Variants in FAM107B observed in about 807,000 individuals in gnomAD.
The protein encoded by FAM107B is protein FAM107B.
FAM107B carries 21 observed loss-of-function variants against 31.5 expected under a neutral mutation model. The ratio of observed to expected loss-of-function variants is 0.67; its 90% CI spans 0.47 to 0.96. The LOEUF (loss-of-function observed/expected upper bound fraction) is 0.96. FAM107B is among the 40% of genes least tolerant of loss of function. The probability of loss-of-function intolerance (pLI) is 0.00; values close to 1 mark genes in which losing one functional copy is unlikely to be tolerated. For missense variants in FAM107B, 452 were observed against 377.1 expected (o/e 1.20, Z -1.64); for synonymous variants, 157 against 141.5 (o/e 1.11, Z -0.78).
At chr10:14,753,346 A>C (rs1832867176) in intron 1 of FAM107B, among the ~76,000 whole-genome samples, 1 of 152,238 alleles carries the variant, frequency 6.6e-6, no homozygotes, top group South Asian at 2.1e-4. Flanking sequence ...GGTGACAAGG[A>C]GTGATGGATG....
chr10:14,716,042 T>C (rs1322957525), intron 1 of FAM107B, among the ~76,000 whole-genome samples: 2 of 152,212 alleles, frequency 1.3e-5, no homozygotes, highest in Admixed American at 6.5e-5. Flanking sequence ...GAATATATAC[T>C]TCTACAGATA....
At chr10:14,734,174 T>C (rs1856239366) in intron 1 of FAM107B, among the ~76,000 whole-genome samples, 1 of 152,170 alleles carries the variant, frequency 6.6e-6, no homozygotes. Flanking sequence ...ATAACAAGGG[T>C]AATAAATGTC....
chr10:14,645,997 C>T (rs1260844824), intron 2 of FAM107B, among the ~76,000 whole-genome samples: 1 of 152,154 alleles, frequency 6.6e-6, no homozygotes, highest in African/African-American at 2.4e-5. Context: ...CTTCTCAGCT[C>T]TCCTCCCTCC....
chr10:14,701,164 T>C (rs534520803), intron 1 of FAM107B, among the ~76,000 whole-genome samples: 2 of 152,326 alleles, frequency 1.3e-5, no homozygotes, highest in African/African-American at 4.8e-5. Flanking sequence ...TCTCATTTAA[T>C]TCCCTGGAAT....
chr10:14,723,397 C>T (rs1855958164), intron 1 of FAM107B: 1 of 551,008 alleles, frequency 1.8e-6, no homozygotes, highest in African/African-American at 1.9e-5. Flanking sequence ...TGGTCACAGC[C>T]TTTTCAGCAG....
intron 1 of FAM107B, among the ~76,000 whole-genome samples, chr10:14,734,700 T>C (rs1049621732): frequency 6.6e-6 from 1 of 152,160 alleles, no homozygotes; most frequent in African/African-American, 2.4e-5. Context: ...AATTTGGGTC[T>C]ATAAATGTTC....
intron 2 of FAM107B, among the ~76,000 whole-genome samples, chr10:14,607,290 G>A (rs1852618438): frequency 1.3e-5 from 2 of 152,130 alleles, no homozygotes; most frequent in African/African-American, 4.8e-5. Context: ...TCAAATAAAA[G>A]ACAGGAGGCC....
At chr10:14,763,492 G>T (rs1833099190) in intron 1 of FAM107B, among the ~76,000 whole-genome samples, 1 of 152,084 alleles carries the variant, frequency 6.6e-6, no homozygotes, top group Non-Finnish European at 1.5e-5. Context: ...TTTGCTTCAT[G>T]GTTTTGAAGG....
intron 2 of FAM107B, among the ~76,000 whole-genome samples, chr10:14,619,987 T>A (rs1014548387): frequency 8.6e-5 from 13 of 151,266 alleles, no homozygotes; most frequent in African/African-American, 2.9e-4. Flanking sequence ...ACCGTGTAAG[T>A]GTCTATCTAC....
At chr10:14,756,458 G>T (rs372935587) in intron 1 of FAM107B, among the ~76,000 whole-genome samples, 5 of 152,110 alleles carry the variant, frequency 3.3e-5, no homozygotes, top group East Asian at 1.9e-4. Context: ...TCATTCAATG[G>T]CTTTAAGAAG....
intron 2 of FAM107B, 59 bp from the exon 3 acceptor site, chr10:14,530,574 A>C: frequency 6.6e-7 from 1 of 1,521,092 alleles, no homozygotes; most frequent in Non-Finnish European, 9.0e-7. Flanking sequence ...TTTCCCACAC[A>C]TGCAGAGGCC....
intron 2 of FAM107B, chr10:14,571,837 G>C (rs1851253280): frequency 1.0e-6 from 1 of 985,462 alleles, no homozygotes; most frequent in Non-Finnish European, 1.2e-6. Context: ...TTTAGCAAGA[G>C]AAGAGTTAGC....
intron 2 of FAM107B, among the ~76,000 whole-genome samples, chr10:14,638,442 C>T (rs1853555767): frequency 6.6e-6 from 1 of 152,232 alleles, no homozygotes; most frequent in South Asian, 2.1e-4. Context: ...AATCCACCTA[C>T]TCCCAATGTT....
At chr10:14,559,029 T>A (rs911212681) in intron 2 of FAM107B, among the ~76,000 whole-genome samples, 1 of 151,398 alleles carries the variant, frequency 6.6e-6, no homozygotes, top group African/African-American at 2.4e-5. Flanking sequence ...CTGACCTCCA[T>A]TTCCCTTCCA....
chr10:14,683,769 T>C (rs1854907161), intron 1 of FAM107B, among the ~76,000 whole-genome samples: 1 of 152,184 alleles, frequency 6.6e-6, no homozygotes, highest in South Asian at 2.1e-4. Flanking sequence ...GTCGAATGAA[T>C]GCATAAATAA....
chr10:14,624,595 C>T (rs552710305), intron 2 of FAM107B, among the ~76,000 whole-genome samples: 22 of 151,724 alleles, frequency 1.5e-4, no homozygotes, highest in African/African-American at 3.4e-4. Flanking sequence ...GAGATCCTGC[C>T]GGTGCACACC....
At chr10:14,583,418 C>T (rs1053629567) in intron 2 of FAM107B, among the ~76,000 whole-genome samples, 3 of 152,074 alleles carry the variant, frequency 2.0e-5, no homozygotes, top group Non-Finnish European at 4.4e-5. Flanking sequence ...AGCGCAGGAC[C>T]GCAGCACAGA....
intron 2 of FAM107B, among the ~76,000 whole-genome samples, chr10:14,640,397 C>T (rs988033877): frequency 4.6e-5 from 7 of 152,172 alleles, no homozygotes; most frequent in Non-Finnish European, 8.8e-5. Flanking sequence ...TTCCATATGC[C>T]TCCATTGATC....
intron 1 of FAM107B, among the ~76,000 whole-genome samples, chr10:14,668,390 A>C (rs1854462116): frequency 1.3e-5 from 2 of 151,960 alleles, no homozygotes; most frequent in African/African-American, 4.8e-5. Context: ...GAACAAGGAG[A>C]ATTATGTTTT....
Sources: gnomAD v4.1 joint callset for allele counts (sites outside exome capture counted in the v4.1 genomes callset) on GRCh38, gnomAD v4.1.1 for gene constraint, MANE v1.5 for transcripts, NCBI Gene and HGNC (gene_info 2026-07-23, HGNC 2026-07-21) for gene names.